Variants in PRUNE2 observed in about 807,000 individuals in gnomAD.
PRUNE2 encodes prune homolog 2 with BCH domain, also known as protein prune homolog 2.
PRUNE2 carries 164 observed loss-of-function variants against 252.0 expected under a neutral mutation model. The ratio of observed to expected loss-of-function variants is 0.65; its 90% CI spans 0.57 to 0.74. The LOEUF (loss-of-function observed/expected upper bound fraction) is 0.74, where lower values mean the gene tolerates loss of function less well. Among genes scored for constraint, PRUNE2 ranks in the 30% least tolerant of loss-of-function variants. The pLI is 0.00. For synonymous variants in PRUNE2, 1,292 were observed against 1,350.2 expected, an observed-to-expected ratio of 0.96 and a Z score of 0.94; for missense variants, 3,495 against 3,711.0, an observed-to-expected ratio of 0.94 and a Z score of 1.51.
chr9:76,678,349 CAAAAAAAAAAAAAAA>C (rs58096428), intron 9 of PRUNE2, among the ~76,000 whole-genome samples: 88 of 83,086 alleles, frequency 1.1e-3, no homozygotes, highest in Admixed American at 3.0e-3. Context: ...GAGACTCCAT[CAAAAAAAAAAAAAAA>C]AAAAAAAAAA....
At chr9:76,715,376 A>G (rs1446581739) in intron 6 of PRUNE2, among the ~76,000 whole-genome samples, 1 of 152,214 alleles carries the variant, frequency 6.6e-6, no homozygotes. Flanking sequence ...GTAGGCAGGC[A>G]GGCCCCGCCC....
rs1335965236 is a variant in PRUNE2, at chr9:76,612,162, C to CA, written c.*2407dup. 7.2e-4 allele frequency: 109 copies of CA among 152,286 alleles called. No individual in the cohort carries two copies. Among genetic ancestry groups the CA allele is most frequent in the African/African-American group, 2.2e-3 (92 of 41,554 alleles). 9.4% of individuals were successfully genotyped at this position (152,286 alleles called of 1,614,324 possible). A position where few individuals can be genotyped will look rare whatever the true frequency, so the allele number is the denominator to read the frequency against. On this transcript the variant is annotated 3_prime_UTR_variant, in exon 19 of 19. Coordinates refer to ENST00000376718, the MANE Select transcript of PRUNE2 (RefSeq NM_015225.3). ...AATAAAATAGCAGATACCTAAATAT[C>CA]AGAGTGGTTATGCAGCCTACAGAAC...
intron 9 of PRUNE2, among the ~76,000 whole-genome samples, chr9:76,700,608 T>A (rs1264083178): frequency 6.6e-6 from 1 of 152,206 alleles, no homozygotes; most frequent in Non-Finnish European, 1.5e-5. Flanking sequence ...TAAAACATTT[T>A]TTAAAAATTT....
intron 6 of PRUNE2, among the ~76,000 whole-genome samples, chr9:76,724,087 A>G (rs1005965135): frequency 3.4e-5 from 5 of 147,212 alleles, no homozygotes; most frequent in African/African-American, 9.9e-5. Flanking sequence ...GAGCCACCGC[A>G]CCCGGCCAGC....
chr9:76,654,881 G>C (rs926971861), intron 10 of PRUNE2, among the ~76,000 whole-genome samples: 15 of 152,058 alleles, frequency 9.9e-5, no homozygotes, highest in Non-Finnish European at 1.5e-5. Flanking sequence ...TATGATCCTG[G>C]AGTTGGTGTA....
intron 17 of PRUNE2, among the ~76,000 whole-genome samples, chr9:76,621,418 T>C (rs1832274789): frequency 6.6e-6 from 1 of 152,102 alleles, no homozygotes; most frequent in Non-Finnish European, 1.5e-5. Flanking sequence ...GAGTAGAATT[T>C]TTTCTCTGTA....
rs1394305758 is a variant in PRUNE2, at chr9:76,710,113, C to G, written c.2161G>C (p.Gly721Arg). 1 of 1,613,914 alleles carries G rather than the reference C, an allele frequency of 6.2e-7. No homozygotes were observed. The highest frequency in any genetic ancestry group is 2.2e-5 in the East Asian group (1 of 44,876). Residue 721 changes from glycine (G) to arginine (R), a missense_variant, in exon 8 of 19, where the codon GGT (glycine) becomes CGT (arginine). Transcript: ENST00000376718. ...TCATTGCTACCCAGTTCAGGCTGAC[C>G]AAATTCAGACTCCCAGGGACCTGAC... is the stretch of plus-strand genomic sequence containing the variant. ...TKSGPWESEFGQPELGSNDIQ... is the reference protein window; with the variant it reads ...TKSGPWESEFRQPELGSNDIQ...
At chr9:76,792,191 G>A (rs1204094896) in intron 6 of PRUNE2, among the ~76,000 whole-genome samples, 1 of 152,040 alleles carries the variant, frequency 6.6e-6, no homozygotes, top group Non-Finnish European at 1.5e-5. Context: ...CATGGGGGTG[G>A]CTCTTTCCCA....
chr9:76,890,887 G>A (rs972927896), intron 1 of PRUNE2, among the ~76,000 whole-genome samples: 7 of 152,090 alleles, frequency 4.6e-5, no homozygotes, highest in African/African-American at 7.2e-5. Context: ...TTATGTTTGC[G>A]GTTTTCTTTA....
intron 12 of PRUNE2, chr9:76,642,018 G>T: frequency 9.8e-7 from 1 of 1,021,092 alleles, no homozygotes; most frequent in Non-Finnish European, 1.4e-6. Flanking sequence ...AAAAAAAAAA[G>T]AAAAGAAAAA....
intron 4 of PRUNE2, among the ~76,000 whole-genome samples, chr9:76,833,111 C>A (rs2058755280): frequency 6.6e-6 from 1 of 151,944 alleles, no homozygotes; most frequent in Non-Finnish European, 1.5e-5. Context: ...TCCCAAAAGT[C>A]TAAAGACAAT....
At chr9:76,629,094 C>T (rs1836260632) in intron 16 of PRUNE2, 98 bp downstream of exon 16, 7 of 670,168 alleles carry the variant, frequency 1.0e-5, no homozygotes, top group Non-Finnish European at 1.8e-5. Flanking sequence ...TTCTTCCACT[C>T]AGCCTCCCAA....
At chr9:76,659,870 A>G (rs981426223) in intron 9 of PRUNE2, among the ~76,000 whole-genome samples, 8 of 150,824 alleles carry the variant, frequency 5.3e-5, no homozygotes, top group Non-Finnish European at 7.4e-5. Flanking sequence ...TAACATATAT[A>G]GAAAAAATTA....
intron 9 of PRUNE2, among the ~76,000 whole-genome samples, chr9:76,661,281 C>T (rs1851320400): frequency 1.3e-5 from 2 of 152,096 alleles, no homozygotes; most frequent in South Asian, 2.1e-4. Flanking sequence ...TTGGTACAGT[C>T]GTCCAGGCTG....
At chr9:76,719,695 T>C (rs1268674475) in intron 6 of PRUNE2, among the ~76,000 whole-genome samples, 1 of 152,044 alleles carries the variant, frequency 6.6e-6, no homozygotes, top group African/African-American at 2.4e-5. Context: ...TCACCCAGGC[T>C]GGAGTGCAAT....
chr9:76,635,046 C>T (rs1225276857), intron 15 of PRUNE2, among the ~76,000 whole-genome samples: 1 of 152,152 alleles, frequency 6.6e-6, no homozygotes, highest in East Asian at 1.9e-4. Flanking sequence ...GATCTTGCCT[C>T]ACTGCAACCT....
At chr9:76,730,909 TAA>T (rs1038458258) in intron 6 of PRUNE2, among the ~76,000 whole-genome samples, 3 of 151,944 alleles carry the variant, frequency 2.0e-5, no homozygotes, top group African/African-American at 4.8e-5. Flanking sequence ...CTCAAAAAAA[TAA>T]AGAGACGAAA....
At chr9:76,903,739 C>T (rs1564538561) in intron 1 of PRUNE2, among the ~76,000 whole-genome samples, 1 of 152,176 alleles carries the variant, frequency 6.6e-6, no homozygotes, top group African/African-American at 2.4e-5. Flanking sequence ...AGGCACACGC[C>T]ACCATGCCTG....
intron 9 of PRUNE2, among the ~76,000 whole-genome samples, chr9:76,677,764 T>C (rs2042859276): frequency 6.6e-6 from 1 of 152,150 alleles, no homozygotes; most frequent in African/African-American, 2.4e-5. Context: ...GTGACTTTCC[T>C]GGAGAAGTCC....
Sources: gnomAD v4.1 joint callset for allele counts (sites outside exome capture counted in the v4.1 genomes callset) on GRCh38, gnomAD v4.1.1 for gene constraint, MANE v1.5 for transcripts, NCBI Gene and HGNC (gene_info 2026-07-23, HGNC 2026-07-21) for gene names.